The following PCNT variants were observed in gnomAD, a reference collection of about 807,000 sequenced individuals.
PCNT encodes kendrin.
PCNT carries 319 observed loss-of-function variants against 380.4 expected under a neutral mutation model. The ratio of observed to expected loss-of-function variants is 0.84; its 90% confidence interval spans 0.77 to 0.92. The LOEUF (loss-of-function observed/expected upper bound fraction) is 0.92, where lower values mean the gene tolerates loss of function less well. Ranked by LOEUF, PCNT falls within the 40% of genes least tolerant of loss-of-function variation. The pLI, the probability that PCNT is intolerant of heterozygous loss-of-function variation, is 0.00. For missense variants in PCNT, 4,400 were observed against 4,255.3 expected (o/e 1.03, Z -0.95); for synonymous variants, 1,845 against 1,735.2 (o/e 1.06, Z -1.57).
intron 32 of PCNT, among the ~76,000 whole-genome samples, chr21:46,423,777 A>AGGG (rs2087363799): frequency 1.5e-5 from 1 of 65,178 alleles, no homozygotes; most frequent in Non-Finnish European, 2.9e-5. Context: ...GAGGGGGATG[A>AGGG]GGAGGGGGAG....
intron 15 of PCNT, among the ~76,000 whole-genome samples, chr21:46,378,333 T>A (rs144800250): frequency 1.9e-3 from 291 of 152,338 alleles, no homozygotes; most frequent in African/African-American, 6.7e-3. Flanking sequence ...AACTTTTAAC[T>A]GAAAGGCATC....
Position 46,438,185 on chromosome 21 carries a change from C to T in PCNT, c.9121C>T (p.Gln3041Ter), listed in dbSNP as rs377707263. Residue 3041 changes from glutamine (Q) to a stop codon, truncating the protein, a stop_gained, in exon 41 of 47, where the codon CAG becomes TAG. Coordinates refer to ENST00000359568, the MANE Select transcript of PCNT (RefSeq NM_006031.6). LOFTEE classifies it high-confidence loss of function. ...SSQKKMAAEL[Q>*]FQFVDVLLKD... ...CAAGAAAAAAATGGCAGCAGAGCTG[C>T]AGTTCCAGTTTGTGGACGTCCTGCT... 1 of 1,614,046 alleles carries T rather than the reference C, an allele frequency of 6.2e-7. No homozygotes were observed. The highest frequency in any genetic ancestry group is 8.5e-7 in the Non-Finnish European group (1 of 1,179,862).
chr21:46,358,733 T>G (rs902720826), intron 13 of PCNT, among the ~76,000 whole-genome samples: 2 of 152,052 alleles, frequency 1.3e-5, no homozygotes, highest in African/African-American at 4.8e-5. Context: ...CAAGTGATTC[T>G]CTTGCCTCAG....
At position 46,443,839 on chromosome 21, in the gene PCNT, C is replaced by T; in HGVS notation, c.9730C>T (p.Pro3244Ser). ...GPRARQPQSP[P>S]RTRESPPTRD... ...CCGAGCACGACAGCCGCAGTCTCCA[C>T]CCAGAACCAGAGAGTCCCCCCCAAC... Residue 3244 changes from proline (P) to serine (S), a missense_variant, in exon 45 of 47, where the codon CCC becomes TCC. By Grantham distance (74) the Pro-to-Ser change is moderately conservative. Transcript: ENST00000359568. The T allele has an allele frequency of 6.2e-7, 1 of 1,613,642 alleles. No individual in the cohort carries two copies.
chr21:46,400,799 C>T (rs1374172650), intron 25 of PCNT, among the ~76,000 whole-genome samples: 2 of 152,136 alleles, frequency 1.3e-5, no homozygotes, highest in African/African-American at 2.4e-5. Context: ...GTATTACAGG[C>T]GTGAACCACC....
At chr21:46,396,752 C>T (rs1222265110) in intron 21 of PCNT, among the ~76,000 whole-genome samples, 2 of 152,130 alleles carry the variant, frequency 1.3e-5, no homozygotes, top group African/African-American at 2.4e-5. Context: ...TACAGGCACA[C>T]GCCACCATGT....
chr21:46,379,027 G>A (rs928348015), intron 15 of PCNT, among the ~76,000 whole-genome samples: 2 of 152,224 alleles, frequency 1.3e-5, no homozygotes, highest in African/African-American at 4.8e-5. Flanking sequence ...CAGGTCTGGT[G>A]CCTTATGTTT....
In PCNT at chr21:46,357,034, G is replaced by T; in HGVS notation, c.1997G>T (p.Arg666Leu). 2 of 1,614,226 alleles carry T rather than the reference G, an allele frequency of 1.2e-6. No individual in the cohort carries two copies. The highest frequency in any genetic ancestry group is 1.7e-6 in the Non-Finnish European group (2 of 1,180,048). Reference protein sequence around the residue: ...QDGDLEADTERAARVLGLETE... With the variant: ...QDGDLEADTELAARVLGLETE... ...GGGGACTTGGAGGCCGACACAGAGCGGGCAGCCAGAGTCTTGGGTCTGGAA... is the reference window on the plus strand; with the variant it reads ...GGGGACTTGGAGGCCGACACAGAGCTGGCAGCCAGAGTCTTGGGTCTGGAA... Residue 666 changes from arginine (R) to leucine (L), a missense_variant, in exon 13 of 47, where the codon CGG becomes CTG. Arg to Leu is a moderately radical substitution (Grantham distance 102). Transcript: ENST00000359568.
intron 16 of PCNT, among the ~76,000 whole-genome samples, chr21:46,383,565 A>G (rs1601910641): frequency 7.0e-6 from 1 of 142,724 alleles, no homozygotes; most frequent in Non-Finnish European, 1.5e-5. Context: ...TCAGTGATGG[A>G]AGTGCATTCA....
intron 28 of PCNT, 86 bp from the exon 29 acceptor site, chr21:46,412,751 A>T: frequency 7.0e-7 from 1 of 1,420,922 alleles, no homozygotes; most frequent in Non-Finnish European, 9.8e-7. Flanking sequence ...TGGCTGCCGT[A>T]CTGGTTCCCA....
intron 22 of PCNT, 21 bp downstream of exon 22, chr21:46,397,515 A>G (rs747867317): frequency 7.6e-6 from 12 of 1,588,374 alleles, no homozygotes; most frequent in Non-Finnish European, 1.0e-5. Context: ...TGAATAATAC[A>G]TTTTTTTGCA....
At chr21:46,350,509 G>A (rs976720520) in intron 8 of PCNT, among the ~76,000 whole-genome samples, 9 of 152,184 alleles carry the variant, frequency 5.9e-5, no homozygotes, top group African/African-American at 2.2e-4. Context: ...CTCATTGGAG[G>A]CCTGACAAAC....
intron 2 of PCNT, among the ~76,000 whole-genome samples, chr21:46,333,538 G>A (rs181498110): frequency 6.6e-6 from 1 of 152,002 alleles, no homozygotes; most frequent in Non-Finnish European, 1.5e-5. Context: ...ACCCGGAGGC[G>A]GAGGTTGCAG....
chr21:46,361,043 T>C (rs2084696284), intron 13 of PCNT, among the ~76,000 whole-genome samples: 1 of 152,232 alleles, frequency 6.6e-6, no homozygotes, highest in Non-Finnish European at 1.5e-5. Flanking sequence ...ATCTGTTGAC[T>C]ATTAAGTTAT....
At chr21:46,345,220 G>C (rs1382481704) in intron 3 of PCNT, among the ~76,000 whole-genome samples, 2 of 152,006 alleles carry the variant, frequency 1.3e-5, no homozygotes, top group African/African-American at 4.8e-5. Flanking sequence ...ACTTTATTTT[G>C]TTTATTTATT....
At chr21:46,418,373 G>T (rs2087114345) in intron 31 of PCNT, 67 bp downstream of exon 31, 2 of 966,298 alleles carry the variant, frequency 2.1e-6, no homozygotes, top group African/African-American at 3.3e-5. Context: ...ATAGTCAAAA[G>T]AATTCCTGCA....
intron 37 of PCNT, 35 bp from the exon 38 acceptor site, chr21:46,431,494 T>C (rs757464125): frequency 6.2e-7 from 1 of 1,613,782 alleles, no homozygotes; most frequent in South Asian, 1.1e-5. Flanking sequence ...TTCCTCTTGA[T>C]TCAGTGTCTC....
intron 17 of PCNT, among the ~76,000 whole-genome samples, chr21:46,387,768 A>G (rs909082317): frequency 3.3e-5 from 5 of 151,978 alleles, no homozygotes; most frequent in Non-Finnish European, 5.9e-5. Context: ...CTCTCTGGGG[A>G]CAGAGCTGTG....
chr21:46,443,229 GTTT>G (rs1055714591), intron 44 of PCNT: 3 of 162,540 alleles, frequency 1.8e-5, no homozygotes, highest in African/African-American at 7.2e-5. Context: ...TTGTTTTGTT[GTTT>G]TTTAAGAGAC....
Sources: gnomAD v4.1 joint callset for allele counts (sites outside exome capture counted in the v4.1 genomes callset) on GRCh38, gnomAD v4.1.1 for gene constraint, MANE v1.5 for transcripts, NCBI Gene and HGNC (gene_info 2026-07-23, HGNC 2026-07-21) for gene names.